Variants in PLEK2 observed in about 807,000 individuals in gnomAD.
PLEK2 encodes the protein pleckstrin-2.
A neutral mutation model predicts 43.8 loss-of-function variants in PLEK2; 29 were observed. The ratio of observed to expected loss-of-function variants is 0.66; its 90% CI spans 0.49 to 0.90. PLEK2 has a LOEUF of 0.90. Ranked by LOEUF, PLEK2 falls within the 40% of genes least tolerant of loss-of-function variation. PLEK2 has a pLI of 0.00. For synonymous variants in PLEK2, 162 were observed against 173.2 expected, an observed-to-expected ratio of 0.94 and a Z score of 0.51; for missense variants, 398 against 448.1, an observed-to-expected ratio of 0.89 and a Z score of 1.01.
At chr14:67,390,214 T>A (rs1195529829) in intron 7 of PLEK2, among the ~76,000 whole-genome samples, 1 of 152,182 alleles carries the variant, frequency 6.6e-6, no homozygotes, top group Non-Finnish European at 1.5e-5. Flanking sequence ...ATTAGTAAAT[T>A]ATGGCTTAAA....
chr14:67,393,145 C>T lies in PLEK2; in HGVS notation c.481+5G>A. 6.2e-7 allele frequency: 1 copy of T among 1,604,754 alleles called. No individual in the cohort carries two copies. Among genetic ancestry groups the T allele is most frequent in the Non-Finnish European group, 8.5e-7 (1 of 1,171,384 alleles). ...GCCCAGCCCGGCCCTGGGGGACAGG[C>T]TCACCGAGGAAGGTCTTTTTATAGG... On this transcript the variant is annotated splice_donor_5th_base_variant and intron_variant, in intron 4 of 8. Coordinates refer to ENST00000216446, the MANE Select transcript of PLEK2 (RefSeq NM_016445.3).
Position 67,392,791 on chromosome 14 carries a change from C to T in PLEK2, c.540G>A (p.Ala180=), listed in dbSNP as rs760739955. 25 of 1,613,598 alleles carry T rather than the reference C, an allele frequency of 1.5e-5. No homozygotes were observed. In the East Asian group the frequency reaches 3.6e-4, roughly 23 times the overall value. ...CCATGAGCATGGAGGCCAGGGTCAC[C>T]GCCTCCAGACGGCTGGCCGTGAAGC... ...SNSFTASRLE[A]VTLASMLMEE... is the part of the protein sequence containing the mutation. The change falls in exon 5 of 9, where the codon GCG becomes GCA. Residue 180 remains alanine (A), a synonymous_variant. Transcript: ENST00000216446.
At chr14:67,402,049 T>G in intron 1 of PLEK2, among the ~76,000 whole-genome samples, 1 of 152,128 alleles carries the variant, frequency 6.6e-6, no homozygotes, top group East Asian at 1.9e-4. Flanking sequence ...AAGAATCACT[T>G]AAACTCAGGA....
At chr14:67,395,917 G>T (rs983228153) in intron 2 of PLEK2, among the ~76,000 whole-genome samples, 2 of 152,104 alleles carry the variant, frequency 1.3e-5, no homozygotes, top group Admixed American at 6.5e-5. Flanking sequence ...AAATGCCCAG[G>T]CTTTAAAATC....
intron 1 of PLEK2, 86 bp downstream of exon 1, chr14:67,411,932 C>G (rs1263389472): frequency 1.6e-6 from 2 of 1,265,206 alleles, no homozygotes; most frequent in African/African-American, 1.5e-5. Flanking sequence ...CATGCCCGTT[C>G]CGGGGCGCGC....
Position 67,392,107 on chromosome 14 carries a change from G to A in PLEK2, c.771+219C>T, listed in dbSNP as rs552199675. On this transcript the variant is annotated intron_variant, in intron 6 of 8. Coordinates refer to ENST00000216446, the MANE Select transcript of PLEK2 (RefSeq NM_016445.3). ...TGTGTGTGTGTAGTACATTTTTCCC[G>A]AACAGCCCTTGTGTCTGGTACACAT... Among the ~76,000 whole-genome samples, 20 of 152,236 alleles carry A rather than the reference G, an allele frequency of 1.3e-4. No individual in the cohort carries two copies. In the East Asian group the frequency reaches 3.1e-3, roughly 24 times the overall value.
intron 4 of PLEK2, 92 bp from the exon 5 acceptor site, chr14:67,392,941 G>T: frequency 9.0e-7 from 1 of 1,107,694 alleles, no homozygotes; most frequent in Non-Finnish European, 1.3e-6. Flanking sequence ...GGCCCTCTGG[G>T]CAGCCTCAGG....
chr14:67,397,023 C>G (rs982968481), intron 2 of PLEK2, among the ~76,000 whole-genome samples: 1 of 151,716 alleles, frequency 6.6e-6, no homozygotes, highest in Admixed American at 6.6e-5. Context: ...ACTGCAAACT[C>G]TGCCTCCCAG....
rs529368267 is a variant in PLEK2 at position 67,407,884 on chromosome 14, G to A, written c.42+4134C>T. 3.9e-5 allele frequency among the ~76,000 whole-genome samples: 6 copies of A among 152,282 alleles called. No individual in the cohort carries two copies. In the South Asian group the frequency reaches 1.0e-3, roughly 26 times the overall value. On this transcript the variant is annotated intron_variant, in intron 1 of 8. Coordinates refer to ENST00000216446, the MANE Select transcript of PLEK2 (RefSeq NM_016445.3). Reference sequence around the variant, plus strand: ...GCTACTTGGGAGGCTGAGCCAGGAAGTTCGCTTGAGCTCAAGAGCTCAACA... The same window carrying A: ...GCTACTTGGGAGGCTGAGCCAGGAAATTCGCTTGAGCTCAAGAGCTCAACA...
chr14:67,396,874 C>T (rs1353461494), intron 2 of PLEK2, among the ~76,000 whole-genome samples: 1 of 152,202 alleles, frequency 6.6e-6, no homozygotes, highest in Admixed American at 6.5e-5. Context: ...CCATTTTCTT[C>T]CTTGATTCCT....
chr14:67,393,439 A>G (rs2085983878), intron 3 of PLEK2, among the ~76,000 whole-genome samples, 198 bp from the exon 4 acceptor site: 1 of 151,952 alleles, frequency 6.6e-6, no homozygotes, highest in African/African-American at 2.4e-5. Flanking sequence ...ATGATGATTG[A>G]TTTTTGTTGT....
At chr14:67,402,779 T>C (rs1316789524) in intron 1 of PLEK2, among the ~76,000 whole-genome samples, 1 of 152,240 alleles carries the variant, frequency 6.6e-6, no homozygotes, top group East Asian at 1.9e-4. Flanking sequence ...TATGGCTGAA[T>C]AGTATTCCAT....
In PLEK2 at chr14:67,392,568, T is replaced by C. The variant is rs112316908; in HGVS notation, c.669+94A>G. On this transcript the variant is annotated intron_variant, in intron 5 of 8. Coordinates refer to ENST00000216446, the MANE Select transcript of PLEK2 (RefSeq NM_016445.3). ...ATGAAGTCGTCCCCCAAGCCCAAGG[T>C]CTCCTCCCATGACTGTGGCCCCCAG... The C allele has an allele frequency of 1.4e-5, 18 of 1,284,256 alleles. No homozygotes were observed. The African/African-American group carries it at 2.2e-4, about 16-fold the overall frequency. The allele number at this position is 1,284,256 out of a possible 1,614,324, so 79.6% of individuals were successfully genotyped here. A position where few individuals can be genotyped will look rare whatever the true frequency, so the allele number is the denominator to read the frequency against.
rs200458296 is a variant in PLEK2, at chr14:67,395,546, T to C, written c.245A>G (p.Tyr82Cys). ...IKLKTQTSTE[Y>C]FLEACSREER... ...CTCTCGAGAACAGGCCTCCAGGAAG[T>C]ACTCCGTGGATGTTTGAGTCTTCAG... The change falls in exon 3 of 9, where the codon TAC becomes TGC. Residue 82 changes from tyrosine to cysteine, a missense_variant. Tyr to Cys is a radical substitution (Grantham distance 194). Coordinates refer to ENST00000216446, the MANE Select transcript of PLEK2 (RefSeq NM_016445.3). 1.2e-6 allele frequency: 2 copies of C among 1,614,148 alleles called. No homozygotes were observed. The highest frequency in any genetic ancestry group is 1.7e-6 in the Non-Finnish European group (2 of 1,180,006).
intron 3 of PLEK2, among the ~76,000 whole-genome samples, chr14:67,393,491 T>A (rs1304282656): frequency 6.6e-6 from 1 of 152,160 alleles, no homozygotes; most frequent in Non-Finnish European, 1.5e-5. Flanking sequence ...TCTCGCTCCG[T>A]CACCCAGGCT....
intron 1 of PLEK2, among the ~76,000 whole-genome samples, chr14:67,398,311 C>T (rs987605051): frequency 5.3e-5 from 8 of 152,134 alleles, no homozygotes; most frequent in Admixed American, 2.6e-4. Flanking sequence ...TGCAGCCTCC[C>T]TTTCCTGGAC....
At position 67,395,598 on chromosome 14, in the gene PLEK2, A is replaced by G. The variant is rs373973355; in HGVS notation, c.208-15T>C. On this transcript the variant is annotated splice_polypyrimidine_tract_variant and intron_variant, in intron 2 of 8. Transcript: ENST00000216446. ...TTAATGAGGAGCTGTGGGAAGAGAG[A>G]GCCAGTCAGGCCAGCACTCAGGCAG... is the stretch of plus-strand genomic sequence containing the variant. 2 of 1,612,762 alleles carry G rather than the reference A, an allele frequency of 1.2e-6. No individual in the cohort carries two copies.
chr14:67,397,485 G>A (rs2086019032), intron 2 of PLEK2, among the ~76,000 whole-genome samples, 177 bp downstream of exon 2: 1 of 152,226 alleles, frequency 6.6e-6, no homozygotes, highest in African/African-American at 2.4e-5. Context: ...GGCTCAGAGA[G>A]GTTTAGCTAC....
chr14:67,412,157 C>A lies in PLEK2; in HGVS notation c.-98G>T. ...CCCGCGCAGTCCGCGCCCACGGCGCCCAGGAAGCAGCTCCGACGCGGCAGG... is the reference window on the plus strand; with the variant it reads ...CCCGCGCAGTCCGCGCCCACGGCGCACAGGAAGCAGCTCCGACGCGGCAGG... On this transcript the variant is annotated 5_prime_UTR_variant, in exon 1 of 9. Coordinates refer to ENST00000216446, the MANE Select transcript of PLEK2 (RefSeq NM_016445.3). The A allele has an allele frequency of 9.1e-7, 1 of 1,096,472 alleles. No homozygotes were observed. The highest frequency in any genetic ancestry group is 3.2e-5 in the East Asian group (1 of 31,126). The allele number at this position is 1,096,472 out of a possible 1,614,324, so 67.9% of individuals were successfully genotyped here. A position where few individuals can be genotyped will look rare whatever the true frequency, so the allele number is the denominator to read the frequency against.
Sources: gnomAD v4.1 joint callset for allele counts (sites outside exome capture counted in the v4.1 genomes callset) on GRCh38, gnomAD v4.1.1 for gene constraint, MANE v1.5 for transcripts, NCBI Gene and HGNC (gene_info 2026-07-23, HGNC 2026-07-21) for gene names.